FRMD6: variants seen among roughly 807,000 people sequenced by gnomAD.
The protein encoded by FRMD6 is FERM domain-containing protein 6.
FRMD6 carries 37 observed loss-of-function variants against 73.2 expected under a neutral mutation model. The ratio of observed to expected loss-of-function variants is 0.51; its 90% CI spans 0.39 to 0.66. The LOEUF (loss-of-function observed/expected upper bound fraction) is 0.66, where lower values mean the gene tolerates loss of function less well. Among genes scored for constraint, FRMD6 ranks in the 30% least tolerant of loss-of-function variants. The pLI is 0.00. For missense variants in FRMD6, 714 were observed against 780.5 expected, an observed-to-expected ratio of 0.91 and a Z score of 1.02; for synonymous variants, 273 against 282.2, an observed-to-expected ratio of 0.97 and a Z score of 0.33.
chr14:51,682,640 C>G (rs1334665277), intron 1 of FRMD6, among the ~76,000 whole-genome samples: 2 of 152,206 alleles, frequency 1.3e-5, no homozygotes, highest in Non-Finnish European at 2.9e-5. Context: ...CTGAGCTTCT[C>G]TTTCCTCTGT....
intron 2 of FRMD6, among the ~76,000 whole-genome samples, chr14:51,581,004 G>A (rs1437228893): frequency 3.3e-5 from 5 of 152,120 alleles, no homozygotes; most frequent in Non-Finnish European, 2.9e-5. Flanking sequence ...AGCTAGTGTG[G>A]CCTTCAAAAA....
upstream of FRMD6, among the ~76,000 whole-genome samples, chr14:51,648,758 T>C (rs10132437): frequency 0.17 from 26,236 of 152,180 alleles, 2,436 homozygotes; most frequent in Middle Eastern, 0.28. Flanking sequence ...TATTTTTGAA[T>C]CTCTGAATCT....
upstream of FRMD6, among the ~76,000 whole-genome samples, chr14:51,487,263 A>C (rs1882786293): frequency 6.6e-6 from 1 of 152,234 alleles, no homozygotes; most frequent in Admixed American, 6.5e-5. Flanking sequence ...ATTGCTTGTT[A>C]TAAAGAATTT....
At chr14:51,557,812 C>T (rs936759538) in intron 1 of FRMD6, among the ~76,000 whole-genome samples, 11 of 151,964 alleles carry the variant, frequency 7.2e-5, no homozygotes, top group Middle Eastern at 6.3e-3. Context: ...ACTTGAAGGT[C>T]GAGAGAGGGA....
chr14:51,538,056 C>T (rs1885994019), intron 1 of FRMD6, among the ~76,000 whole-genome samples: 1 of 152,040 alleles, frequency 6.6e-6, no homozygotes, highest in Non-Finnish European at 1.5e-5. Context: ...TGGCTTTGAT[C>T]TTATATCTAA....
At chr14:51,547,435 T>C (rs17662642) in intron 1 of FRMD6, among the ~76,000 whole-genome samples, 24,190 of 152,106 alleles carry the variant, frequency 0.16, 2,098 homozygotes, top group Non-Finnish European at 0.17. Flanking sequence ...CAGGCTGTAA[T>C]GCATGAGTCA....
intron 1 of FRMD6, among the ~76,000 whole-genome samples, chr14:51,498,262 T>C (rs1566777884): frequency 6.6e-6 from 1 of 152,222 alleles, no homozygotes; most frequent in Non-Finnish European, 1.5e-5. Context: ...CCACAGGAAA[T>C]TATTTTGCTG....
intron 1 of FRMD6, among the ~76,000 whole-genome samples, chr14:51,667,398 G>A (rs916826163): frequency 1.2e-4 from 18 of 152,006 alleles, no homozygotes; most frequent in African/African-American, 2.9e-4. Flanking sequence ...AAAAAAACTC[G>A]GCAGTGAATT....
At chr14:51,628,285 A>G (rs1310630370) in intron 2 of FRMD6, among the ~76,000 whole-genome samples, 1 of 152,218 alleles carries the variant, frequency 6.6e-6, no homozygotes, top group African/African-American at 2.4e-5. Context: ...TATAACAATA[A>G]ATATTCTTTA....
At chr14:51,594,035 C>A (rs563135454) in intron 2 of FRMD6, among the ~76,000 whole-genome samples, 1 of 152,096 alleles carries the variant, frequency 6.6e-6, no homozygotes, top group Non-Finnish European at 1.5e-5. Context: ...ATGGGAATGC[C>A]ACAGTGAATT....
At chr14:51,416,942 C>T in the FRMD6 span, among the ~76,000 whole-genome samples, 30,873 of 151,906 alleles carry the variant, frequency 0.2, 3,685 homozygotes, top group East Asian at 0.49. Flanking sequence ...TTTGTTGGTT[C>T]AAAGTCTGTT....
At chr14:51,453,149 T>TAAA in the FRMD6 span, among the ~76,000 whole-genome samples, 1 of 147,938 alleles carries the variant, frequency 6.8e-6, no homozygotes, top group Non-Finnish European at 1.5e-5. Context: ...GAAAAGCTGG[T>TAAA]AAAAAAAAAA....
chr14:51,412,677 C>T, the FRMD6 span, among the ~76,000 whole-genome samples: 631 of 152,008 alleles, frequency 4.2e-3, 5 homozygotes, highest in African/African-American at 0.015. Flanking sequence ...TGGTGCAACC[C>T]CATCTCTAAT....
the FRMD6 span, among the ~76,000 whole-genome samples, chr14:51,439,027 A>AT: frequency 6.6e-6 from 1 of 152,244 alleles, no homozygotes; most frequent in Non-Finnish European, 1.5e-5. Flanking sequence ...GCTCAATGCC[A>AT]TTTTGCAGAG....
In FRMD6 at chr14:51,729,811, G is replaced by T. The variant is rs955327371; in HGVS notation, c.*1782G>T. On this transcript the variant is annotated 3_prime_UTR_variant, in exon 14 of 14. Coordinates refer to ENST00000344768, the MANE Select transcript of FRMD6 (RefSeq NM_001267046.2). The stretch of plus-strand genomic sequence containing the variant: ...TGTGTAGGCAACATTGCCTTATCAC[G>T]CTAGGTTCACCTGACACTTTAAAAG... 2 of 152,592 alleles carry T rather than the reference G, an allele frequency of 1.3e-5. No individual in the cohort carries two copies. Among genetic ancestry groups the T allele is most frequent in the Non-Finnish European group, 1.5e-5 (1 of 68,044 alleles). The allele number at this position is 152,592 out of a possible 1,614,324, so 9.5% of individuals were successfully genotyped here. A position where few individuals can be genotyped will look rare whatever the true frequency, so the allele number is the denominator to read the frequency against.
At chr14:51,437,074 T>G in the FRMD6 span, 37 of 389,592 alleles carry the variant, frequency 9.5e-5, no homozygotes, top group South Asian at 6.8e-4. Context: ...CCATGTTGGT[T>G]TGCTGCACCC....
At chr14:51,679,012 G>A (rs1022531006) in intron 1 of FRMD6, among the ~76,000 whole-genome samples, 4 of 152,138 alleles carry the variant, frequency 2.6e-5, no homozygotes, top group African/African-American at 7.2e-5. Context: ...AATGGGACCC[G>A]ATGGTGAAGG....
At chr14:51,684,240 A>G (rs1454625418) in intron 1 of FRMD6, among the ~76,000 whole-genome samples, 3 of 151,928 alleles carry the variant, frequency 2.0e-5, no homozygotes, top group Non-Finnish European at 4.4e-5. Flanking sequence ...TTATATTTTC[A>G]GGTACTGTTA....
At chr14:51,665,055 C>T (rs1025609353) in intron 1 of FRMD6, among the ~76,000 whole-genome samples, 3 of 152,176 alleles carry the variant, frequency 2.0e-5, no homozygotes, top group South Asian at 4.1e-4. Flanking sequence ...ATCATGCCAG[C>T]CCAGAGTTGC....
Sources: allele counts gnomAD v4.1 joint callset (sites outside exome capture counted in the v4.1 genomes callset), GRCh38; gene constraint gnomAD v4.1.1; transcripts MANE v1.5; gene names NCBI Gene and HGNC (gene_info 2026-07-23, HGNC 2026-07-21).